CREB3L1: variants seen among roughly 807,000 people sequenced by gnomAD.
CREB3L1 encodes the protein cAMP responsive element binding protein 3 like 1, also known as cyclic AMP-responsive element-binding protein 3-like protein 1.
A neutral mutation model predicts 54.5 loss-of-function variants in CREB3L1; 33 were observed. That is an observed-to-expected ratio of 0.61 (90% CI 0.46 to 0.81). The LOEUF (loss-of-function observed/expected upper bound fraction) is 0.81, where lower values mean the gene tolerates loss of function less well. CREB3L1 is among the 30% of genes least tolerant of loss of function. The probability of loss-of-function intolerance (pLI) is 0.00; values close to 1 mark genes in which losing one functional copy is unlikely to be tolerated. For missense variants in CREB3L1, 656 were observed against 673.3 expected, an observed-to-expected ratio of 0.97 and a Z score of 0.29; for synonymous variants, 284 against 286.4, an observed-to-expected ratio of 0.99 and a Z score of 0.08.
At chr11:46,280,256 C>T (rs1938950187) in intron 1 of CREB3L1, among the ~76,000 whole-genome samples, 1 of 149,934 alleles carries the variant, frequency 6.7e-6, no homozygotes. Flanking sequence ...GGCGCGATCT[C>T]GGCTCACTGC....
chr11:46,319,685 C>T (rs1173644433), intron 10 of CREB3L1, among the ~76,000 whole-genome samples: 1 of 152,026 alleles, frequency 6.6e-6, no homozygotes, highest in Non-Finnish European at 1.5e-5. Context: ...TCAAGATCAG[C>T]CTGGCCAACA....
chr11:46,309,694 G>A (rs932647254), intron 3 of CREB3L1, among the ~76,000 whole-genome samples: 3 of 152,226 alleles, frequency 2.0e-5, no homozygotes, highest in African/African-American at 7.2e-5. Flanking sequence ...ACCAAAGCCT[G>A]TGTGGCCTTC....
In CREB3L1 at chr11:46,295,898, A is replaced by C. The variant is rs191531758; in HGVS notation, c.103-4037A>C. Among the ~76,000 whole-genome samples, 476 of 152,338 alleles carry C rather than the reference A, an allele frequency of 3.1e-3. 2 individuals carry two copies. The highest frequency in any genetic ancestry group is 0.011 in the African/African-American group (450 of 41,592). On this transcript the variant is annotated intron_variant, in intron 1 of 11. Coordinates refer to ENST00000621158, the MANE Select transcript of CREB3L1 (RefSeq NM_052854.4). The surrounding 1 kb of genome is among the most constrained non-coding windows in gnomAD (Gnocchi z 4.6). ...GGAGAGCTCGGGAACCTCTCCTCCA[A>C]GGGAGGGAAGCCGGCGCCGGCTGCG...
At chr11:46,309,030 G>C (rs548972886) in intron 3 of CREB3L1, among the ~76,000 whole-genome samples, 1 of 152,120 alleles carries the variant, frequency 6.6e-6, no homozygotes, top group Non-Finnish European at 1.5e-5. Context: ...TTCCAAATTC[G>C]GCCTGCCAGA....
chr11:46,289,806 G>A (rs1014708274), intron 1 of CREB3L1, among the ~76,000 whole-genome samples: 3 of 152,190 alleles, frequency 2.0e-5, no homozygotes. Flanking sequence ...CAGTCCTTGA[G>A]TATCATGCTG....
At chr11:46,292,358 A>T (rs1939142358) in intron 1 of CREB3L1, among the ~76,000 whole-genome samples, 1 of 152,188 alleles carries the variant, frequency 6.6e-6, no homozygotes, top group Non-Finnish European at 1.5e-5. Flanking sequence ...GCTCTCTGAC[A>T]CACTCCTTTA....
intron 1 of CREB3L1, among the ~76,000 whole-genome samples, chr11:46,279,485 G>A (rs780069020): frequency 3.3e-5 from 5 of 152,212 alleles, no homozygotes; most frequent in Non-Finnish European, 5.9e-5. Context: ...CAGCAGACAA[G>A]ACAAGGGTAT....
chr11:46,311,181 G>A lies in CREB3L1; in HGVS notation c.745G>A (p.Ala249Thr). 6.3e-7 allele frequency: 1 copy of A among 1,584,710 alleles called. No homozygotes were observed. Among genetic ancestry groups the A allele is most frequent in the Non-Finnish European group, 8.5e-7 (1 of 1,169,834 alleles). The change falls in exon 5 of 12, where the codon GCC (alanine) becomes ACC (threonine). Residue 249 changes from alanine to threonine, a missense_variant. By Grantham distance (58) the Ala-to-Thr change is moderately conservative. Coordinates refer to ENST00000621158, the MANE Select transcript of CREB3L1 (RefSeq NM_052854.4). ...TAISTSPLLTAPHKLQGTSGP... is the reference protein window; with the variant it reads ...TAISTSPLLTTPHKLQGTSGP... Reference sequence around the variant, plus strand: ...CATCTCCACCTCCCCACTCCTCACTGCCCCTCACGTAAGGAGCTGGGGGTG... The same window carrying A: ...CATCTCCACCTCCCCACTCCTCACTACCCCTCACGTAAGGAGCTGGGGGTG...
chr11:46,300,452 C>G (rs535738982), intron 2 of CREB3L1, among the ~76,000 whole-genome samples: 15 of 152,262 alleles, frequency 9.9e-5, no homozygotes, highest in Non-Finnish European at 2.1e-4. Flanking sequence ...TGCAGATTCT[C>G]GGGTTCCACC....
chr11:46,306,229 A>G (rs1190461951), intron 2 of CREB3L1, among the ~76,000 whole-genome samples: 1 of 152,144 alleles, frequency 6.6e-6, no homozygotes, highest in Non-Finnish European at 1.5e-5. Context: ...AAAATTGCAA[A>G]TTTGGGCCAG....
intron 1 of CREB3L1, among the ~76,000 whole-genome samples, chr11:46,281,751 G>T (rs1368868156): frequency 6.6e-6 from 1 of 152,240 alleles, no homozygotes; most frequent in Non-Finnish European, 1.5e-5. Context: ...GATTAGAGAA[G>T]TATGTGTGTT....
At chr11:46,319,117 G>T (rs568712483) in intron 10 of CREB3L1, among the ~76,000 whole-genome samples, 1 of 152,356 alleles carries the variant, frequency 6.6e-6, no homozygotes, top group East Asian at 1.9e-4. Flanking sequence ...AGGAGGCAAT[G>T]AATGAGCCCC....
chr11:46,307,511 T>C (rs1939416215), intron 2 of CREB3L1, among the ~76,000 whole-genome samples: 1 of 152,170 alleles, frequency 6.6e-6, no homozygotes, highest in Admixed American at 6.5e-5. Context: ...TTTCCCCATT[T>C]TGCAGATGAA....
At chr11:46,303,198 G>A in intron 2 of CREB3L1, among the ~76,000 whole-genome samples, 1 of 152,146 alleles carries the variant, frequency 6.6e-6, no homozygotes, top group Non-Finnish European at 1.5e-5. Flanking sequence ...ACCAGCCACT[G>A]GGTGATCTTG....
chr11:46,310,196 C>T (rs1431685427), intron 4 of CREB3L1, 129 bp downstream of exon 4: 3 of 674,116 alleles, frequency 4.5e-6, no homozygotes, highest in East Asian at 5.5e-5. Context: ...CTCCACCCTG[C>T]CCTACCCACT....
chr11:46,293,955 G>A (rs539683118), intron 1 of CREB3L1, among the ~76,000 whole-genome samples: 1 of 152,194 alleles, frequency 6.6e-6, no homozygotes, highest in Non-Finnish European at 1.5e-5. Context: ...GACAGCGTCA[G>A]CCTATGTGAC....
rs145517542 is a variant in CREB3L1 at position 46,292,071 on chromosome 11, AG to A, written c.103-7862del. On this transcript the variant is annotated intron_variant, in intron 1 of 11. Coordinates refer to ENST00000621158, the MANE Select transcript of CREB3L1 (RefSeq NM_052854.4). ...GCCACTGTGTTCTGTTTATACCCTT[AG>A]GCCTGACAGGGTCTGGGGGGACAGC... Among the ~76,000 whole-genome samples, 1,062 of 152,298 alleles carry A rather than the reference AG, an allele frequency of 7.0e-3. 8 individuals carry two copies. The highest frequency in any genetic ancestry group is 0.025 in the African/African-American group (1,025 of 41,548).
rs1212792492 is a variant in CREB3L1 at position 46,315,790 on chromosome 11, C to A, written c.1032-496C>A. ...TGAGTCGCAAACGCACCACTGCACT[C>A]CAGCCTGGGTGAAAGAGCGAGACTC... On this transcript the variant is annotated intron_variant, in intron 8 of 11. Coordinates refer to ENST00000621158, the MANE Select transcript of CREB3L1 (RefSeq NM_052854.4). 5 of 171,932 alleles carry A rather than the reference C, an allele frequency of 2.9e-5. No individual in the cohort carries two copies. The East Asian group carries it at 5.5e-4, about 19-fold the overall frequency. 10.7% of individuals were successfully genotyped at this position (171,932 alleles called of 1,614,324 possible). A position where few individuals can be genotyped will look rare whatever the true frequency, so the allele number is the denominator to read the frequency against.
rs375834984 is a variant in CREB3L1, at chr11:46,277,785, C to A, written c.-327C>A. On this transcript the variant is annotated 5_prime_UTR_variant, in exon 1 of 12. Coordinates refer to ENST00000621158, the MANE Select transcript of CREB3L1 (RefSeq NM_052854.4). ...CGGCTCCCACCCTGTCCGGGGGGCT[C>A]CTGAAGCCCTCAGCCCCAACCCCGG... 6.9e-4 allele frequency: 186 copies of A among 270,224 alleles called. No individual in the cohort carries two copies. In the East Asian group the frequency reaches 9.7e-3, roughly 14 times the overall value. The allele number at this position is 270,224 out of a possible 1,614,324, so 16.7% of individuals were successfully genotyped here.
Sources: allele counts gnomAD v4.1 joint callset (sites outside exome capture counted in the v4.1 genomes callset), GRCh38; gene constraint gnomAD v4.1.1; non-coding constraint Gnocchi (gnomAD v3.1); transcripts MANE v1.5; gene names NCBI Gene and HGNC (gene_info 2026-07-23, HGNC 2026-07-21).